Variants in HCN1 observed in about 807,000 individuals in gnomAD.
HCN1 encodes potassium/sodium hyperpolarization-activated cyclic nucleotide-gated channel 1.
In HCN1, 13 loss-of-function variants were observed where a neutral mutation model predicts 78.9. The ratio of observed to expected loss-of-function variants is 0.16; its 90% confidence interval spans 0.11 to 0.26. The LOEUF (loss-of-function observed/expected upper bound fraction) is 0.26. HCN1 is among the 10% of genes least tolerant of loss of function. The probability of loss-of-function intolerance (pLI) is 1.00; values close to 1 mark genes in which losing one functional copy is unlikely to be tolerated. For missense variants in HCN1, 810 were observed against 1,154.3 expected (o/e 0.70, Z 4.32); for synonymous variants, 552 against 455.5 (o/e 1.21, Z -2.70).
intron 2 of HCN1, among the ~76,000 whole-genome samples, chr5:45,531,180 C>T (rs1013248554): frequency 3.3e-5 from 5 of 152,124 alleles, no homozygotes; most frequent in African/African-American, 1.2e-4. Flanking sequence ...TAATCTATGG[C>T]AACAGTGAAA....
At chr5:45,360,376 A>G (rs1249031911) in intron 4 of HCN1, among the ~76,000 whole-genome samples, 2 of 151,978 alleles carry the variant, frequency 1.3e-5, no homozygotes, top group Non-Finnish European at 2.9e-5. Flanking sequence ...ATAAATAATC[A>G]CTGGGCTTAT....
At chr5:45,264,165 G>C (rs954299406) in intron 7 of HCN1, among the ~76,000 whole-genome samples, 1 of 152,176 alleles carries the variant, frequency 6.6e-6, no homozygotes, top group East Asian at 1.9e-4. Flanking sequence ...AATGGTTGTT[G>C]TGAGGACCAA....
At chr5:45,278,668 TTTAG>T (rs575186309) in intron 6 of HCN1, among the ~76,000 whole-genome samples, 2 of 152,152 alleles carry the variant, frequency 1.3e-5, no homozygotes, top group Non-Finnish European at 2.9e-5. Context: ...AATTAGTTAC[TTTAG>T]TTAGTAGTAT....
intron 3 of HCN1, among the ~76,000 whole-genome samples, chr5:45,402,862 T>TCCTC (rs1329027130): frequency 2.1e-5 from 3 of 141,450 alleles, no homozygotes; most frequent in African/African-American, 5.4e-5. Flanking sequence ...CTTCCTTCCT[T>TCCTC]CCTCTACTTC....
intron 5 of HCN1, among the ~76,000 whole-genome samples, chr5:45,346,120 C>T (rs570777707): frequency 1.3e-5 from 2 of 152,248 alleles, no homozygotes; most frequent in African/African-American, 4.8e-5. Flanking sequence ...CTCGTGAGAA[C>T]TTACTCACTA....
intron 3 of HCN1, among the ~76,000 whole-genome samples, chr5:45,460,064 T>G (rs1297030071): frequency 1.3e-5 from 2 of 152,170 alleles, no homozygotes; most frequent in Non-Finnish European, 2.9e-5. Context: ...CTGTCAATGA[T>G]AAGTGACTAA....
At chr5:45,498,969 A>T (rs1209035849) in intron 2 of HCN1, among the ~76,000 whole-genome samples, 1 of 152,136 alleles carries the variant, frequency 6.6e-6, no homozygotes, top group Admixed American at 6.5e-5. Context: ...TGCTGGGAGA[A>T]CCACTACTCT....
intron 2 of HCN1, among the ~76,000 whole-genome samples, chr5:45,544,720 G>A (rs1053138610): frequency 2.1e-4 from 32 of 151,428 alleles, no homozygotes; most frequent in Admixed American, 5.3e-4. Flanking sequence ...CTGTCCTTGC[G>A]ATAGTTTGCT....
At chr5:45,641,100 A>G (rs1238438561) in intron 2 of HCN1, among the ~76,000 whole-genome samples, 1 of 152,192 alleles carries the variant, frequency 6.6e-6, no homozygotes, top group African/African-American at 2.4e-5. Context: ...AAGTTCTAAT[A>G]CAGGGCAGGT....
intron 5 of HCN1, among the ~76,000 whole-genome samples, chr5:45,305,675 G>A (rs563920304): frequency 2.0e-5 from 3 of 151,706 alleles, no homozygotes; most frequent in Middle Eastern, 6.8e-3. Flanking sequence ...AGAAATGAAG[G>A]AGGGGAGGAA....
intron 2 of HCN1, among the ~76,000 whole-genome samples, chr5:45,622,205 T>C (rs1042902938): frequency 1.4e-5 from 2 of 143,130 alleles, no homozygotes; most frequent in Non-Finnish European, 3.1e-5. Context: ...GACTTCGTCT[T>C]AAAAAAAAAA....
Position 45,303,044 on chromosome 5 carries a change from G to T in HCN1, c.1618+555C>A, listed in dbSNP as rs571969472. On this transcript the variant is annotated intron_variant, in intron 6 of 7. Transcript: ENST00000303230. ...CAATACAAATTTCTGTAAATTTTTAGCAAGGTAAATTGCCATCTAACTACA... is the reference window on the plus strand; with the variant it reads ...CAATACAAATTTCTGTAAATTTTTATCAAGGTAAATTGCCATCTAACTACA... Among the ~76,000 whole-genome samples, 24 of 152,124 alleles carry T rather than the reference G, an allele frequency of 1.6e-4. No individual in the cohort carries two copies. In the South Asian group the frequency reaches 4.8e-3, roughly 30 times the overall value.
At chr5:45,584,701 T>A (rs570572916) in intron 2 of HCN1, among the ~76,000 whole-genome samples, 6 of 152,308 alleles carry the variant, frequency 3.9e-5, no homozygotes, top group East Asian at 1.9e-4. Flanking sequence ...TGCTTCCTTC[T>A]GGAGCTCTTT....
chr5:45,494,279 G>T (rs28872833), intron 2 of HCN1, among the ~76,000 whole-genome samples: 75,875 of 151,520 alleles, frequency 0.5, 20,448 homozygotes, highest in African/African-American at 0.7. Flanking sequence ...CCTGACTTTT[G>T]AATGATTGCC....
At chr5:45,475,402 T>C (rs1437768508) in intron 2 of HCN1, among the ~76,000 whole-genome samples, 1 of 152,080 alleles carries the variant, frequency 6.6e-6, no homozygotes, top group Non-Finnish European at 1.5e-5. Flanking sequence ...CCATTGATAT[T>C]GGATCTGACA....
At chr5:45,574,528 C>G (rs1477891026) in intron 2 of HCN1, 1 of 152,042 alleles carries the variant, frequency 6.6e-6, no homozygotes. Context: ...TTCCCTGAGA[C>G]ACAACAATAT....
At chr5:45,341,803 C>T (rs1390909044) in intron 5 of HCN1, among the ~76,000 whole-genome samples, 1 of 152,110 alleles carries the variant, frequency 6.6e-6, no homozygotes, top group African/African-American at 2.4e-5. Flanking sequence ...AGAGAGTTAG[C>T]TAAAGCTTTA....
chr5:45,637,416 T>C (rs1745375278), intron 2 of HCN1, among the ~76,000 whole-genome samples: 2 of 152,084 alleles, frequency 1.3e-5, no homozygotes, highest in East Asian at 3.9e-4. Context: ...GCAAGTACTT[T>C]AGAGCCCAGT....
chr5:45,354,276 T>A (rs1442430997), intron 4 of HCN1, among the ~76,000 whole-genome samples: 1 of 151,906 alleles, frequency 6.6e-6, no homozygotes, highest in Non-Finnish European at 1.5e-5. Context: ...GTGTTTCAAA[T>A]GCAGGGGGTC....
Sources: gnomAD v4.1 joint callset for allele counts (sites outside exome capture counted in the v4.1 genomes callset) on GRCh38, gnomAD v4.1.1 for gene constraint, MANE v1.5 for transcripts, NCBI Gene and HGNC (gene_info 2026-07-23, HGNC 2026-07-21) for gene names.